DTNBP1: variants seen among roughly 807,000 people sequenced by gnomAD.
DTNBP1 encodes the protein dystrobrevin binding protein 1.
In DTNBP1, 35 loss-of-function variants were observed where a neutral mutation model predicts 42.8. The ratio of observed to expected loss-of-function variants is 0.82; its 90% CI spans 0.63 to 1.09. DTNBP1 has a LOEUF of 1.09. Among genes scored for constraint, DTNBP1 ranks in the 50% least tolerant of loss-of-function variants. The pLI, the probability that DTNBP1 is intolerant of heterozygous loss-of-function variation, is 0.00. For synonymous variants in DTNBP1, 171 were observed against 162.2 expected (o/e 1.05, Z -0.41); for missense variants, 457 against 424.2 (o/e 1.08, Z -0.68).
At position 15,567,457 on chromosome 6, in the gene DTNBP1, GAAACAAACAAACAAACAAAC is replaced by G. The variant is rs59351095; in HGVS notation, c.511+25582_511+25601del. Reference sequence around the variant, plus strand: ...GACACAGCCAGATTCTGTCTCTCGGGAAACAAACAAACAAACAAACAAACAAACAAACAAACAAACCTTGG... The same window carrying G: ...GACACAGCCAGATTCTGTCTCTCGGGAAACAAACAAACAAACAAACCTTGG... On this transcript the variant is annotated intron_variant, in intron 7 of 9. Coordinates refer to ENST00000344537, the MANE Select transcript of DTNBP1 (RefSeq NM_032122.5). Among the ~76,000 whole-genome samples, 1,031 of 150,080 alleles carry G rather than the reference GAAACAAACAAACAAACAAAC, an allele frequency of 6.9e-3. 27 individuals are homozygous for G. The East Asian group carries it at 0.087, about 13-fold the overall frequency.
At chr6:15,533,945 A>G (rs1773049006) in intron 7 of DTNBP1, among the ~76,000 whole-genome samples, 2 of 152,380 alleles carry the variant, frequency 1.3e-5, no homozygotes, top group South Asian at 4.1e-4. Flanking sequence ...AGTATGTAAC[A>G]GTAGAATACT....
In DTNBP1 at chr6:15,662,952, G is replaced by T; in HGVS notation, c.-83C>A. On this transcript the variant is annotated 5_prime_UTR_variant, in exon 1 of 10. Coordinates refer to ENST00000344537, the MANE Select transcript of DTNBP1 (RefSeq NM_032122.5). ...CCCTGGGTCCCACGCCGCCAACCCC[G>T]CGCTGTCACCGCGCGCCCCGCACTC... The T allele has an allele frequency of 6.3e-7, 1 of 1,578,510 alleles. No homozygotes were observed. Among genetic ancestry groups the T allele is most frequent in the Non-Finnish European group, 8.6e-7 (1 of 1,163,576 alleles).
At chr6:15,566,348 C>A (rs1354136803) in intron 7 of DTNBP1, among the ~76,000 whole-genome samples, 1 of 151,988 alleles carries the variant, frequency 6.6e-6, no homozygotes, top group Non-Finnish European at 1.5e-5. Flanking sequence ...TCTAAGCCCC[C>A]CAAATGATTG....
chr6:15,553,586 C>T (rs1254379281), intron 7 of DTNBP1, among the ~76,000 whole-genome samples: 8 of 18,124 alleles, frequency 4.4e-4, no homozygotes, highest in Admixed American at 3.6e-3. Context: ...ATGCTCTTGA[C>T]AAGTGAGCTT....
chr6:15,628,566 C>T lies in DTNBP1; in HGVS notation c.223-1091G>A, dbSNP rs1026074147. Reference sequence around the variant, plus strand: ...GACTACAGGCACCTACCACCACACCCGGCTAATTTTTTGTATTTTTAGTAG... The same window carrying T: ...GACTACAGGCACCTACCACCACACCTGGCTAATTTTTTGTATTTTTAGTAG... On this transcript the variant is annotated intron_variant, in intron 4 of 9. Coordinates refer to ENST00000344537, the MANE Select transcript of DTNBP1 (RefSeq NM_032122.5). Among the ~76,000 whole-genome samples the T allele has an allele frequency of 5.3e-5, 8 of 151,824 alleles. No homozygotes were observed. The South Asian group carries it at 6.2e-4, about 12-fold the overall frequency.
intron 1 of DTNBP1, among the ~76,000 whole-genome samples, chr6:15,657,727 C>T (rs965252258): frequency 1.3e-5 from 2 of 152,180 alleles, no homozygotes; most frequent in South Asian, 4.1e-4. Flanking sequence ...TCTGCTATAT[C>T]CCCAGTACCT....
At chr6:15,643,625 G>A (rs1760504532) in intron 3 of DTNBP1, among the ~76,000 whole-genome samples, 1 of 151,998 alleles carries the variant, frequency 6.6e-6, no homozygotes, top group African/African-American at 2.4e-5. Flanking sequence ...AGAGACTGGG[G>A]GCCTATTTTT....
intron 6 of DTNBP1, 116 bp downstream of exon 6, chr6:15,615,151 G>A: frequency 1.3e-6 from 2 of 1,508,856 alleles, no homozygotes; most frequent in South Asian, 2.3e-5. Flanking sequence ...TTATTTATCA[G>A]TTTTATGTTG....
chr6:15,610,540 G>C (rs1443513014), intron 6 of DTNBP1, among the ~76,000 whole-genome samples: 1 of 152,190 alleles, frequency 6.6e-6, no homozygotes, highest in Non-Finnish European at 1.5e-5. Flanking sequence ...AGTGAGGAAG[G>C]CATGTCGAAA....
chr6:15,639,026 G>C (rs1760191343), intron 3 of DTNBP1, among the ~76,000 whole-genome samples: 2 of 152,018 alleles, frequency 1.3e-5, no homozygotes, highest in African/African-American at 4.8e-5. Context: ...AAGTACTGAG[G>C]TCATGAAAGA....
rs528664548 is a variant in DTNBP1 at position 15,604,802 on chromosome 6, C to T, written c.488+10465G>A. Among the ~76,000 whole-genome samples the T allele has an allele frequency of 3.9e-5, 6 of 152,256 alleles. No homozygotes were observed. In the South Asian group the frequency reaches 1.2e-3, roughly 32 times the overall value. On this transcript the variant is annotated intron_variant, in intron 6 of 9. Coordinates refer to ENST00000344537, the MANE Select transcript of DTNBP1 (RefSeq NM_032122.5). ...GAAGGGCAGAGTCCCTTGGCATTAA[C>T]TATAGTAGATATATAAACATAAAGC...
chr6:15,605,828 C>T (rs1758019662), intron 6 of DTNBP1, among the ~76,000 whole-genome samples: 2 of 152,206 alleles, frequency 1.3e-5, no homozygotes, highest in African/African-American at 2.4e-5. Flanking sequence ...TATCTGACAA[C>T]TTAGCTACTG....
chr6:15,595,067 A>C, intron 6 of DTNBP1: 2 of 455,724 alleles, frequency 4.4e-6, no homozygotes, highest in Middle Eastern at 6.5e-4. Flanking sequence ...GGACAAGCCC[A>C]GCATCTTCTG....
At chr6:15,618,344 A>G (rs1758831499) in intron 5 of DTNBP1, among the ~76,000 whole-genome samples, 1 of 152,124 alleles carries the variant, frequency 6.6e-6, no homozygotes, top group Non-Finnish European at 1.5e-5. Context: ...CTATTGCCAC[A>G]TGGAAATAAC....
At chr6:15,535,009 A>G (rs1426203830) in intron 7 of DTNBP1, among the ~76,000 whole-genome samples, 1 of 152,064 alleles carries the variant, frequency 6.6e-6, no homozygotes, top group African/African-American at 2.4e-5. Flanking sequence ...ACTTTTCCTC[A>G]AGGCACGTGA....
intron 5 of DTNBP1, among the ~76,000 whole-genome samples, chr6:15,620,560 T>C (rs954102100): frequency 3.9e-5 from 6 of 152,202 alleles, no homozygotes; most frequent in Non-Finnish European, 8.8e-5. Context: ...CTCCTAGTAC[T>C]AAAGAAGCAA....
chr6:15,649,029 AG>A (rs1760842682), intron 3 of DTNBP1, among the ~76,000 whole-genome samples: 1 of 152,148 alleles, frequency 6.6e-6, no homozygotes, highest in African/African-American at 2.4e-5. Context: ...TGGTGAGGAT[AG>A]GAAGAAATTA....
chr6:15,625,930 G>A (rs780821111), intron 5 of DTNBP1, among the ~76,000 whole-genome samples: 2 of 152,184 alleles, frequency 1.3e-5, no homozygotes, highest in African/African-American at 4.8e-5. Context: ...CAATGCAGAC[G>A]GCAATCACAG....
In DTNBP1 at chr6:15,526,504, G is replaced by A. The variant is rs141607297; in HGVS notation, c.668-1835C>T. ...AAGAGTAATTCCTATTTTTAGTTGG[G>A]GAAAAGTATTATGGTTTAGATGATC... On this transcript the variant is annotated intron_variant, in intron 8 of 9. Transcript: ENST00000344537. Among the ~76,000 whole-genome samples, 294 of 152,254 alleles carry A rather than the reference G, an allele frequency of 1.9e-3. 4 individuals are homozygous for A. The Middle Eastern group carries it at 0.024, about 12-fold the overall frequency.
Sources: allele counts gnomAD v4.1 joint callset (sites outside exome capture counted in the v4.1 genomes callset), GRCh38; gene constraint gnomAD v4.1.1; transcripts MANE v1.5; gene names NCBI Gene and HGNC (gene_info 2026-07-23, HGNC 2026-07-21).